KIAA1549: variants seen among roughly 807,000 people sequenced by gnomAD.
The protein encoded by KIAA1549 is UPF0606 protein KIAA1549.
In KIAA1549, 70 loss-of-function variants were observed where a neutral mutation model predicts 156.4. That is an observed-to-expected ratio of 0.45 (90% CI 0.37 to 0.55). KIAA1549 has a LOEUF of 0.55. KIAA1549 is among the 20% of genes least tolerant of loss of function. The pLI is 0.00. For synonymous variants in KIAA1549, 1,103 were observed against 1,066.4 expected, an observed-to-expected ratio of 1.03 and a Z score of -0.67; for missense variants, 2,428 against 2,540.9, an observed-to-expected ratio of 0.96 and a Z score of 0.96.
At chr7:138,931,973 G>C (rs894722406) in intron 1 of KIAA1549, among the ~76,000 whole-genome samples, 10 of 152,038 alleles carry the variant, frequency 6.6e-5, no homozygotes, top group Non-Finnish European at 1.5e-4. Context: ...GAGGTGTGTG[G>C]TGGGGAGGCG....
rs556972652 is a variant in KIAA1549, at chr7:138,862,506, A to G, written c.4930-1050T>C. ...GTAACAGAGAGACCTAGACTCTTAA[A>G]AAAAAAAAAAAGAAAAAGAAAAAAA... On this transcript the variant is annotated intron_variant, in intron 15 of 19. Transcript: ENST00000422774. Among the ~76,000 whole-genome samples, 72 of 151,302 alleles carry G rather than the reference A, an allele frequency of 4.8e-4. 1 individual carries two copies. Among genetic ancestry groups the G allele is most frequent in the African/African-American group, 1.7e-3 (70 of 41,212 alleles).
intron 18 of KIAA1549, among the ~76,000 whole-genome samples, chr7:138,843,661 C>T (rs1809986674): frequency 6.6e-6 from 1 of 152,080 alleles, no homozygotes; most frequent in Non-Finnish European, 1.5e-5. Flanking sequence ...AAAATTAATA[C>T]ATCTGAATTT....
intron 12 of KIAA1549, 33 bp from the exon 13 acceptor site, chr7:138,871,395 G>C (rs141955516): frequency 2.7e-6 from 4 of 1,480,756 alleles, no homozygotes; most frequent in Admixed American, 4.9e-5. Flanking sequence ...ACACATACAC[G>C]AAGTCATCTA....
At chr7:138,864,280 A>G (rs540346360) in intron 15 of KIAA1549, among the ~76,000 whole-genome samples, 4 of 152,260 alleles carry the variant, frequency 2.6e-5, no homozygotes, top group East Asian at 3.9e-4. Flanking sequence ...ACCACTGCCA[A>G]TCTCATTCTC....
intron 11 of KIAA1549, 86 bp from the exon 12 acceptor site, chr7:138,879,739 G>A: frequency 5.9e-6 from 5 of 852,968 alleles, no homozygotes; most frequent in Non-Finnish European, 9.0e-6. Context: ...TGGAAGTCAG[G>A]CTTCCAGGCA....
At chr7:138,939,417 C>CT in intron 1 of KIAA1549, among the ~76,000 whole-genome samples, 1 of 152,070 alleles carries the variant, frequency 6.6e-6, no homozygotes, top group Non-Finnish European at 1.5e-5. Context: ...GTTTTCTCCT[C>CT]TTTTTTTCCC....
Position 138,831,437 on chromosome 7 carries a change from G to C in KIAA1549, c.*6469C>G. 1 of 204,354 alleles carries C rather than the reference G, an allele frequency of 4.9e-6. No individual in the cohort carries two copies. 12.7% of individuals were successfully genotyped at this position (204,354 alleles called of 1,614,324 possible). A position where few individuals can be genotyped will look rare whatever the true frequency, so the allele number is the denominator to read the frequency against. Reference sequence around the variant, plus strand: ...TTCCATTTAAAATGCTAGGAAAGCTGTATAAATTGTAAACATGGAAACCAA... The same window carrying C: ...TTCCATTTAAAATGCTAGGAAAGCTCTATAAATTGTAAACATGGAAACCAA... On this transcript the variant is annotated 3_prime_UTR_variant, in exon 20 of 20. Coordinates refer to ENST00000422774, the MANE Select transcript of KIAA1549 (RefSeq NM_001164665.2).
At chr7:138,900,529 A>C (rs944406503) in intron 8 of KIAA1549, among the ~76,000 whole-genome samples, 1 of 152,184 alleles carries the variant, frequency 6.6e-6, no homozygotes, top group African/African-American at 2.4e-5. Context: ...ACCCACCTTG[A>C]TTAAAGATTC....
intron 17 of KIAA1549, among the ~76,000 whole-genome samples, chr7:138,845,414 A>T (rs764238329): frequency 2.0e-4 from 31 of 152,164 alleles, no homozygotes; most frequent in Non-Finnish European, 4.4e-4. Flanking sequence ...GCCCTTTTAG[A>T]TCATCTTAAA....
At chr7:138,859,076 A>AT (rs1810480160) in intron 16 of KIAA1549, among the ~76,000 whole-genome samples, 1 of 150,888 alleles carries the variant, frequency 6.6e-6, no homozygotes, top group East Asian at 1.9e-4. Context: ...TTTTCTCATA[A>AT]TTTTCTCGTA....
Position 138,831,979 on chromosome 7 carries a change from G to A in KIAA1549, c.*5927C>T, listed in dbSNP as rs1809545142. ...TCCCTCTTCTTTCCCCACATTTGCA[G>A]GAGGAACAGTACAGCATATGCGACT... On this transcript the variant is annotated 3_prime_UTR_variant, in exon 20 of 20. Transcript: ENST00000422774. 4.3e-6 allele frequency: 1 copy of A among 232,384 alleles called. No homozygotes were observed. Among genetic ancestry groups the A allele is most frequent in the South Asian group, 1.8e-4 (1 of 5,526 alleles). The allele number at this position is 232,384 out of a possible 1,614,324, so 14.4% of individuals were successfully genotyped here.
chr7:138,908,815 G>T (rs1180924586), intron 5 of KIAA1549, among the ~76,000 whole-genome samples, 176 bp downstream of exon 5: 1 of 152,146 alleles, frequency 6.6e-6, no homozygotes, highest in African/African-American at 2.4e-5. Flanking sequence ...CCTCAAAGAT[G>T]CTCAGCCTGT....
chr7:138,882,207 C>A (rs1004766601), intron 10 of KIAA1549, among the ~76,000 whole-genome samples: 1 of 152,138 alleles, frequency 6.6e-6, no homozygotes. Flanking sequence ...CCTGGCCATG[C>A]GCATAAAACC....
At position 138,911,221 on chromosome 7, in the gene KIAA1549, G is replaced by C; in HGVS notation, c.3070C>G (p.Arg1024Gly). The change falls in exon 4 of 20, where the codon CGT (arginine) becomes GGT (glycine). Residue 1024 changes from arginine to glycine, a missense_variant. By Grantham distance (125) the Arg-to-Gly change is moderately radical. Transcript: ENST00000422774. ...GACAGGATTAAAGGAGTCTGGTCAC[G>C]GACAAGCTTACTGTTTATAAGCACA... ...INVLINSKLV[R>G]DQTPLILSVK... The C allele has an allele frequency of 6.3e-7, 1 of 1,599,718 alleles. No individual in the cohort carries two copies. The highest frequency in any genetic ancestry group is 8.5e-7 in the Non-Finnish European group (1 of 1,172,678).
intron 10 of KIAA1549, among the ~76,000 whole-genome samples, chr7:138,883,259 T>C (rs1811299730): frequency 8.2e-6 from 1 of 122,464 alleles, no homozygotes; most frequent in Non-Finnish European, 1.7e-5. Flanking sequence ...GGTGAAAGAG[T>C]AAGACTCCAT....
chr7:138,956,766 C>T (rs1025951162), intron 1 of KIAA1549, among the ~76,000 whole-genome samples: 6 of 152,204 alleles, frequency 3.9e-5, no homozygotes, highest in Non-Finnish European at 7.3e-5. Context: ...CACCAAGTTG[C>T]TATTAATTCT....
At chr7:138,964,732 T>C (rs1042643808) in intron 1 of KIAA1549, among the ~76,000 whole-genome samples, 8 of 152,182 alleles carry the variant, frequency 5.3e-5, no homozygotes, top group African/African-American at 1.9e-4. Context: ...TCACAGCCTG[T>C]ATTATGGAGG....
intron 18 of KIAA1549, among the ~76,000 whole-genome samples, chr7:138,841,149 G>A (rs1809904708): frequency 6.6e-6 from 1 of 152,096 alleles, no homozygotes; most frequent in African/African-American, 2.4e-5. Flanking sequence ...ATTAAGAAAG[G>A]GGTGACAGGT....
intron 17 of KIAA1549, among the ~76,000 whole-genome samples, chr7:138,851,586 G>A (rs1428263489): frequency 6.6e-6 from 1 of 151,910 alleles, no homozygotes; most frequent in Non-Finnish European, 1.5e-5. Context: ...GTGTGTGGAA[G>A]GGGGGCTACT....
Sources: gnomAD v4.1 joint callset for allele counts (sites outside exome capture counted in the v4.1 genomes callset) on GRCh38, gnomAD v4.1.1 for gene constraint, MANE v1.5 for transcripts, NCBI Gene and HGNC (gene_info 2026-07-23, HGNC 2026-07-21) for gene names.